Variants in MELK observed in about 807,000 individuals in gnomAD.
The protein encoded by MELK is maternal embryonic leucine zipper kinase.
In MELK, 81 loss-of-function variants were observed where a neutral mutation model predicts 85.0. That is an observed-to-expected ratio of 0.95 (90% CI 0.80 to 1.15). MELK has a LOEUF of 1.15. Ranked by LOEUF, MELK falls within the 50% of genes most tolerant of loss-of-function variation. MELK has a pLI of 0.00. For missense variants in MELK, 754 were observed against 777.5 expected (o/e 0.97, Z 0.36); for synonymous variants, 252 against 265.0 (o/e 0.95, Z 0.48).
intron 8 of MELK, among the ~76,000 whole-genome samples, chr9:36,622,331 T>A (rs547717119): frequency 3.9e-5 from 6 of 152,350 alleles, no homozygotes; most frequent in African/African-American, 1.4e-4. Context: ...GCAGTATGTA[T>A]CTTTGCCTAG....
chr9:36,578,923 A>G (rs1587300643), intron 1 of MELK, among the ~76,000 whole-genome samples: 1 of 152,020 alleles, frequency 6.6e-6, no homozygotes, highest in South Asian at 2.1e-4. Flanking sequence ...GCTCACTGCA[A>G]CCTCTGCCTC....
intron 11 of MELK, among the ~76,000 whole-genome samples, chr9:36,650,838 C>T (rs1205306358): frequency 2.0e-5 from 3 of 152,180 alleles, no homozygotes. Flanking sequence ...AGGATGCAGA[C>T]ATCAGGTGGA....
chr9:36,649,615 A>G (rs1830513280), intron 11 of MELK, among the ~76,000 whole-genome samples: 1 of 151,964 alleles, frequency 6.6e-6, no homozygotes, highest in Non-Finnish European at 1.5e-5. Context: ...CTAAAAATAC[A>G]AAAATTAGCC....
Position 36,623,301 on chromosome 9 carries a change from T to C in MELK, c.667-6998T>C, listed in dbSNP as rs535157512. Among the ~76,000 whole-genome samples, 114 of 152,338 alleles carry C rather than the reference T, an allele frequency of 7.5e-4. 1 individual carries two copies. The highest frequency in any genetic ancestry group is 1.2e-3 in the Non-Finnish European group (82 of 68,032). The stretch of plus-strand genomic sequence containing the variant: ...ACAGTTGGTTTCTCCATTTGTATAA[T>C]GTGGTTAATAGTCCCTGCCTACTAC... On this transcript the variant is annotated intron_variant, in intron 8 of 17. Transcript: ENST00000298048.
In MELK at chr9:36,677,332, G is replaced by T. The variant is rs138922465; in HGVS notation, c.1951G>T (p.Val651Leu). Residue 651 changes from valine (V) to leucine (L), a missense_variant, in exon 18 of 18, where the codon GTA becomes TTA. Transcript: ENST00000298048. ...LVEDILSSCK[V>L] ...GGAAGACATCCTATCTAGCTGCAAG[G>T]TATAATTGATGGATTCTTCCATCCT... is the stretch of plus-strand genomic sequence containing the variant. 7.5e-6 allele frequency: 12 copies of T among 1,610,702 alleles called. No homozygotes were observed. In the African/African-American group the frequency reaches 1.5e-4, roughly 20 times the overall value.
In MELK at chr9:36,642,418, CTTTTTTTTTTTTT is replaced by C. The variant is rs34671966; in HGVS notation, c.835-563_835-551del. ...ACAGTCCCTGGGCTGTACAACAGAA[CTTTTTTTTTTTTT>C]TTTTTTTTTTTTTTTGAGACAGAGT... On this transcript the variant is annotated intron_variant, in intron 10 of 17. Coordinates refer to ENST00000298048, the MANE Select transcript of MELK (RefSeq NM_014791.4). Among the ~76,000 whole-genome samples, 218 of 84,790 alleles carry C rather than the reference CTTTTTTTTTTTTT, an allele frequency of 2.6e-3. 1 individual carries two copies. The highest frequency in any genetic ancestry group is 8.8e-3 in the Middle Eastern group (1 of 114). The allele number at this position is 84,790 out of a possible 152,430, so 55.6% of individuals were successfully genotyped here.
chr9:36,677,108 T>C (rs1224131689), intron 17 of MELK, 52 bp from the exon 18 acceptor site: 1 of 1,521,762 alleles, frequency 6.6e-7, no homozygotes, highest in East Asian at 2.3e-5. Flanking sequence ...AGAAAACTCT[T>C]ATACAGAATA....
intron 13 of MELK, 90 bp downstream of exon 13, chr9:36,657,453 A>G: frequency 7.3e-7 from 1 of 1,364,078 alleles, no homozygotes; most frequent in Non-Finnish European, 9.9e-7. Flanking sequence ...TGTGCTTGCA[A>G]ATTTAATGAA....
At chr9:36,630,577 TCTTA>T (rs147665403) in intron 9 of MELK, among the ~76,000 whole-genome samples, 3,892 of 152,350 alleles carry the variant, frequency 0.026, 78 homozygotes, top group Non-Finnish European at 0.04. Context: ...GTATGGTTTT[TCTTA>T]CTTTGCGAAT....
intron 7 of MELK, among the ~76,000 whole-genome samples, chr9:36,603,551 C>T (rs1031553792): frequency 6.6e-6 from 1 of 152,024 alleles, no homozygotes; most frequent in Non-Finnish European, 1.5e-5. Flanking sequence ...CCCACCTCAG[C>T]CTCCCAAGTA....
At chr9:36,624,800 A>T (rs1349336689) in intron 8 of MELK, among the ~76,000 whole-genome samples, 1 of 152,126 alleles carries the variant, frequency 6.6e-6, no homozygotes, top group Non-Finnish European at 1.5e-5. Context: ...GTCTCCTATT[A>T]TGATAGTTTC....
chr9:36,586,741 C>T (rs980499055), intron 3 of MELK, among the ~76,000 whole-genome samples: 4 of 152,076 alleles, frequency 2.6e-5, no homozygotes, highest in African/African-American at 7.2e-5. Flanking sequence ...TATTCTAAAG[C>T]GTAATATGAC....
At chr9:36,626,922 C>A (rs1424538345) in intron 8 of MELK, among the ~76,000 whole-genome samples, 2 of 147,532 alleles carry the variant, frequency 1.4e-5, no homozygotes, top group Non-Finnish European at 3.0e-5. Flanking sequence ...TCACTCATTG[C>A]ATTCCAGCCT....
intron 12 of MELK, among the ~76,000 whole-genome samples, chr9:36,656,640 T>C (rs960478023): frequency 2.6e-5 from 4 of 152,170 alleles, no homozygotes; most frequent in African/African-American, 4.8e-5. Flanking sequence ...TTCTTTCTTT[T>C]TTTTTTAGAC....
chr9:36,629,604 C>T (rs1174287443), intron 8 of MELK, among the ~76,000 whole-genome samples: 1 of 152,276 alleles, frequency 6.6e-6, no homozygotes, highest in African/African-American at 2.4e-5. Flanking sequence ...TTTTCTGCTG[C>T]TTCATTTTGT....
At chr9:36,660,003 T>C (rs1269654620) in intron 13 of MELK, among the ~76,000 whole-genome samples, 1 of 152,142 alleles carries the variant, frequency 6.6e-6, no homozygotes, top group Non-Finnish European at 1.5e-5. Flanking sequence ...TTCACCATGT[T>C]GGTCAGGCTG....
intron 7 of MELK, among the ~76,000 whole-genome samples, chr9:36,602,957 C>T (rs897931210): frequency 4.6e-5 from 7 of 152,188 alleles, no homozygotes; most frequent in Admixed American, 1.3e-4. Flanking sequence ...CAGGGTCACA[C>T]AGCTGGTGAC....
intron 7 of MELK, among the ~76,000 whole-genome samples, chr9:36,601,182 T>A (rs1824881758): frequency 2.0e-5 from 3 of 152,192 alleles, no homozygotes; most frequent in Admixed American, 2.0e-4. Context: ...AATTCATAAT[T>A]CATATTCAAA....
In MELK at chr9:36,581,746, G is replaced by GT; in HGVS notation, c.58+9dup. ...CATGAAACTATTGGGACAGGTAATT[G>GT]TTATTTTTTTTTGGAGGCAGTGGAT... On this transcript the variant is annotated splice_region_variant and intron_variant, in intron 2 of 17. Coordinates refer to ENST00000298048, the MANE Select transcript of MELK (RefSeq NM_014791.4). 1 of 1,584,330 alleles carries GT rather than the reference G, an allele frequency of 6.3e-7. No homozygotes were observed. Among genetic ancestry groups the GT allele is most frequent in the East Asian group, 2.2e-5 (1 of 44,498 alleles).
Sources: allele counts gnomAD v4.1 joint callset (sites outside exome capture counted in the v4.1 genomes callset), GRCh38; gene constraint gnomAD v4.1.1; transcripts MANE v1.5; gene names NCBI Gene and HGNC (gene_info 2026-07-23, HGNC 2026-07-21).